The following XPO4 variants were observed in gnomAD, a reference collection of about 807,000 sequenced individuals.
XPO4 encodes the protein exportin-4.
Under a neutral mutation model 143.0 loss-of-function variants are expected in XPO4, and 39 were observed. The ratio of observed to expected loss-of-function variants is 0.27; its 90% CI spans 0.21 to 0.36. XPO4 has a LOEUF of 0.36. Ranked by LOEUF, XPO4 falls within the 10% of genes least tolerant of loss-of-function variation. The pLI is 1.00. For missense variants in XPO4, 907 were observed against 1,348.0 expected, an observed-to-expected ratio of 0.67 and a Z score of 5.12; for synonymous variants, 439 against 474.0, an observed-to-expected ratio of 0.93 and a Z score of 0.96.
At chr13:20,838,391 C>T (rs1441235081) in intron 6 of XPO4, among the ~76,000 whole-genome samples, 20 of 151,510 alleles carry the variant, frequency 1.3e-4, no homozygotes, top group African/African-American at 3.9e-4. Flanking sequence ...GGGTGGATCA[C>T]GAGGTCAGGA....
chr13:20,859,831 T>C, intron 3 of XPO4: 3 of 966,780 alleles, frequency 3.1e-6, no homozygotes, highest in Non-Finnish European at 3.7e-6. Context: ...AAGAATGCGA[T>C]TATTTTGGAT....
intron 6 of XPO4, among the ~76,000 whole-genome samples, chr13:20,842,254 C>G (rs531115713): frequency 6.6e-6 from 1 of 152,176 alleles, no homozygotes; most frequent in East Asian, 1.9e-4. Context: ...CAGCAGATGT[C>G]CCAGCATAGT....
chr13:20,822,886 C>T (rs2059738430), intron 7 of XPO4, among the ~76,000 whole-genome samples: 1 of 152,146 alleles, frequency 6.6e-6, no homozygotes, highest in African/African-American at 2.4e-5. Context: ...ATTTTGAATA[C>T]CAAATGTAAA....
At chr13:20,861,756 T>C (rs1448812224) in intron 3 of XPO4, among the ~76,000 whole-genome samples, 3 of 148,938 alleles carry the variant, frequency 2.0e-5, no homozygotes, top group Non-Finnish European at 4.5e-5. Context: ...AACTTCTTAA[T>C]AGAACCTTGC....
Position 20,783,747 on chromosome 13 carries a change from A to C in XPO4, c.3431T>G (p.Val1144Gly). Residue 1144 changes from valine to glycine, a missense_variant, in exon 23 of 23, where the codon GTT becomes GGT. Coordinates refer to ENST00000255305, the MANE Select transcript of XPO4 (RefSeq NM_022459.5). ...TTATTTTACACAAAGGAGACCACCA[A>C]CATTTGCCATAAATTCTTCTAAACT... ...LKSLEEFMAN[V>G]GGLLCVK 1 of 1,614,212 alleles carries C rather than the reference A, an allele frequency of 6.2e-7. No individual in the cohort carries two copies. The highest frequency in any genetic ancestry group is 8.5e-7 in the Non-Finnish European group (1 of 1,180,022).
intron 1 of XPO4, among the ~76,000 whole-genome samples, chr13:20,892,095 C>T (rs538051428): frequency 4.0e-4 from 60 of 150,640 alleles, no homozygotes; most frequent in Non-Finnish European, 7.1e-4. Flanking sequence ...GGCATGATCT[C>T]GGCTCACTCC....
At chr13:20,849,341 T>G (rs2060060951) in intron 4 of XPO4, 1 of 985,448 alleles carries the variant, frequency 1.0e-6, no homozygotes, top group Admixed American at 6.1e-5. Flanking sequence ...CACTTCTCTC[T>G]AGTATGGCAA....
intron 19 of XPO4, among the ~76,000 whole-genome samples, chr13:20,789,873 G>A (rs1440468857): frequency 2.6e-5 from 4 of 151,928 alleles, no homozygotes; most frequent in African/African-American, 9.7e-5. Context: ...CATGACAAGA[G>A]ACCTCCCTCT....
intron 13 of XPO4, among the ~76,000 whole-genome samples, chr13:20,802,521 A>C (rs1465645737): frequency 6.6e-6 from 1 of 152,246 alleles, no homozygotes; most frequent in Non-Finnish European, 1.5e-5. Context: ...AATTCCTGGT[A>C]AGATTAAATC....
intron 4 of XPO4, chr13:20,851,560 T>A (rs1476037630): frequency 3.5e-6 from 2 of 567,606 alleles, no homozygotes; most frequent in East Asian, 2.9e-4. Flanking sequence ...ATACAAAAAA[T>A]TAGCTCAGTG....
chr13:20,801,755 G>A (rs904300437), intron 13 of XPO4, among the ~76,000 whole-genome samples: 1 of 152,190 alleles, frequency 6.6e-6, no homozygotes, highest in Non-Finnish European at 1.5e-5. Context: ...ACACACTAAT[G>A]AATATCAGTG....
At position 20,843,714 on chromosome 13, in the gene XPO4, TTGAG is replaced by T; in HGVS notation, c.573+52_573+55del. ...ATATTCTCATGTCATTAGGAATAGATTGAGTAAAAAGTGAATGATCCAATAATTA... is the reference window on the plus strand; with the variant it reads ...ATATTCTCATGTCATTAGGAATAGATTAAAAAGTGAATGATCCAATAATTA... On this transcript the variant is annotated intron_variant, in intron 5 of 22. Transcript: ENST00000255305. The T allele has an allele frequency of 2.5e-6, 3 of 1,214,214 alleles. No homozygotes were observed. The South Asian group carries it at 3.7e-5, about 15-fold the overall frequency. 75.2% of individuals were successfully genotyped at this position (1,214,214 alleles called of 1,614,324 possible).
intron 21 of XPO4, 95 bp downstream of exon 21, chr13:20,787,386 A>G (rs2059219790): frequency 8.3e-7 from 1 of 1,203,250 alleles, no homozygotes; most frequent in Admixed American, 1.8e-5. Context: ...CCCCCGAAAG[A>G]ATGGAAGCAT....
intron 22 of XPO4, among the ~76,000 whole-genome samples, chr13:20,786,178 G>A (rs536496441): frequency 2.6e-5 from 4 of 152,024 alleles, no homozygotes; most frequent in African/African-American, 4.8e-5. Flanking sequence ...CAGATGTTAC[G>A]GGAAGTCTAG....
Position 20,790,447 on chromosome 13 carries a change from A to G in XPO4, c.2916+15T>C. On this transcript the variant is annotated intron_variant, in intron 19 of 22. Coordinates refer to ENST00000255305, the MANE Select transcript of XPO4 (RefSeq NM_022459.5). ...TACACATAGTGGTATGTTCACATTCAATTTCATTAATTACCTTCAAGAGAT... is the reference window on the plus strand; with the variant it reads ...TACACATAGTGGTATGTTCACATTCGATTTCATTAATTACCTTCAAGAGAT... 1.3e-6 allele frequency: 2 copies of G among 1,586,840 alleles called. No individual in the cohort carries two copies. The highest frequency in any genetic ancestry group is 1.7e-6 in the Non-Finnish European group (2 of 1,155,218).
chr13:20,872,465 T>C (rs1259820784), intron 1 of XPO4, among the ~76,000 whole-genome samples: 1 of 152,180 alleles, frequency 6.6e-6, no homozygotes, highest in Non-Finnish European at 1.5e-5. Flanking sequence ...TCTAAATTCC[T>C]AGGGCCTACC....
intron 22 of XPO4, 132 bp from the exon 23 acceptor site, chr13:20,784,051 G>T: frequency 1.2e-6 from 1 of 820,278 alleles, no homozygotes; most frequent in Non-Finnish European, 1.9e-6. Context: ...GAATAATTCA[G>T]CATTTAAGTA....
At chr13:20,800,104 G>A in intron 15 of XPO4, 52 bp downstream of exon 15, 1 of 1,585,340 alleles carries the variant, frequency 6.3e-7, no homozygotes. Flanking sequence ...GTGAAAAAGA[G>A]TTTCTCACCC....
Position 20,796,757 on chromosome 13 carries a change from T to C in XPO4, c.2616+7A>G, listed in dbSNP as rs2059363661. The stretch of plus-strand genomic sequence containing the variant: ...ATCCTGAGGGGATAAAATTAGAAAG[T>C]GCTTACCTCTCCAAGATAGCATATC... On this transcript the variant is annotated splice_region_variant and intron_variant, in intron 17 of 22. Coordinates refer to ENST00000255305, the MANE Select transcript of XPO4 (RefSeq NM_022459.5). The C allele has an allele frequency of 4.4e-6, 7 of 1,591,786 alleles. No individual in the cohort carries two copies. In the East Asian group the frequency reaches 1.6e-4, roughly 36 times the overall value.
Sources: gnomAD v4.1 joint callset for allele counts (sites outside exome capture counted in the v4.1 genomes callset) on GRCh38, gnomAD v4.1.1 for gene constraint, MANE v1.5 for transcripts, NCBI Gene and HGNC (gene_info 2026-07-23, HGNC 2026-07-21) for gene names.